SKIL: variants seen among roughly 807,000 people sequenced by gnomAD.
SKIL encodes the protein SKI like proto-oncogene.
SKIL carries 20 observed loss-of-function variants against 69.6 expected under a neutral mutation model. That is an observed-to-expected ratio of 0.29 (90% CI 0.20 to 0.42). The LOEUF (loss-of-function observed/expected upper bound fraction) is 0.42, where lower values mean the gene tolerates loss of function less well. SKIL is among the 10% of genes least tolerant of loss of function. SKIL has a pLI of 1.00. For missense variants in SKIL, 745 were observed against 783.1 expected (o/e 0.95, Z 0.58); for synonymous variants, 310 against 279.9 (o/e 1.11, Z -1.08).
At chr3:170,388,932 C>T (rs1204813918) in intron 4 of SKIL, among the ~76,000 whole-genome samples, 2 of 151,862 alleles carry the variant, frequency 1.3e-5, no homozygotes, top group Non-Finnish European at 2.9e-5. Flanking sequence ...TACAGTGGTG[C>T]CATCTCAGCT....
At chr3:170,377,120 T>G (rs10936625) in intron 2 of SKIL, among the ~76,000 whole-genome samples, 110,264 of 152,096 alleles carry the variant, frequency 0.72, 41,430 homozygotes, top group East Asian at 0.84. Context: ...TTCTTACTGC[T>G]ATAACTAAGC....
intron 4 of SKIL, among the ~76,000 whole-genome samples, chr3:170,388,347 A>AGGT (rs1390031987): frequency 1.7e-4 from 10 of 57,476 alleles, no homozygotes; most frequent in Non-Finnish European, 4.4e-4. Flanking sequence ...TTTTAATGCT[A>AGGT]GGTTGTTTTA....
chr3:170,368,050 A>G lies in SKIL; in HGVS notation c.1098+6621A>G, dbSNP rs192661018. ...CTTGCAAGCTTTTAATTATACTTGT[A>G]TTAGGCAGCGTATTTGTCAGTATAA... On this transcript the variant is annotated intron_variant, in intron 2 of 6. Transcript: ENST00000259119. Among the ~76,000 whole-genome samples, 5 of 152,326 alleles carry G rather than the reference A, an allele frequency of 3.3e-5. No individual in the cohort carries two copies. In the East Asian group the frequency reaches 5.8e-4, roughly 18 times the overall value.
At position 170,361,288 on chromosome 3, in the gene SKIL, C is replaced by G. The variant is rs765102635; in HGVS notation, c.957C>G (p.Gly319=). 1.2e-6 allele frequency: 2 copies of G among 1,614,152 alleles called. No homozygotes were observed. The highest frequency in any genetic ancestry group is 1.7e-6 in the Non-Finnish European group (2 of 1,180,046). The change falls in exon 2 of 7, where the codon GGC becomes GGG. Residue 319 remains glycine (G), a synonymous_variant. Coordinates refer to ENST00000259119, the MANE Select transcript of SKIL (RefSeq NM_005414.5). ...CTGACAAAAGAACTTGCCACTGGGG[C>G]TTTGAATCAGCTAAATGGCATTGCT... The part of the protein sequence containing the change: ...RSPDKRTCHW[G]FESAKWHCYL...
chr3:170,382,277 C>T (rs1376310356), intron 3 of SKIL, among the ~76,000 whole-genome samples: 1 of 152,044 alleles, frequency 6.6e-6, no homozygotes, highest in Non-Finnish European at 1.5e-5. Context: ...ATAACCTTTA[C>T]TATGTGTTTC....
chr3:170,362,475 G>A (rs1736292827), intron 2 of SKIL, among the ~76,000 whole-genome samples: 1 of 151,864 alleles, frequency 6.6e-6, no homozygotes, highest in African/African-American at 2.4e-5. Flanking sequence ...GCGCTCCAGC[G>A]TAGGCGTCGA....
intron 2 of SKIL, among the ~76,000 whole-genome samples, chr3:170,366,704 C>G (rs201450523): frequency 2.7e-5 from 1 of 36,604 alleles, no homozygotes; most frequent in Non-Finnish European, 9.4e-5. Flanking sequence ...CAGACACACA[C>G]ACACACACAC....
chr3:170,373,614 A>C (rs774242129), intron 2 of SKIL, among the ~76,000 whole-genome samples: 4 of 152,226 alleles, frequency 2.6e-5, no homozygotes, highest in Admixed American at 6.5e-5. Context: ...TAAAGATCAA[A>C]ATAGTAATCT....
At chr3:170,385,654 C>T (rs1159655923) in intron 4 of SKIL, among the ~76,000 whole-genome samples, 3 of 152,128 alleles carry the variant, frequency 2.0e-5, no homozygotes, top group Admixed American at 2.0e-4. Context: ...CCTGTGTTAC[C>T]ATCCATATAG....
rs1358731491 is a variant in SKIL at position 170,393,884 on chromosome 3, A to C, written c.*1467A>C. The C allele has an allele frequency of 6.6e-6, 1 of 152,136 alleles. No homozygotes were observed. The highest frequency in any genetic ancestry group is 1.5e-5 in the Non-Finnish European group (1 of 68,004). The allele number at this position is 152,136 out of a possible 1,614,324, so 9.4% of individuals were successfully genotyped here. ...AGGTAGATAATCTAATGGTGTAGAA[A>C]GAATCACTAGGTTGTCATTTAACCA... On this transcript the variant is annotated 3_prime_UTR_variant, in exon 7 of 7. Transcript: ENST00000259119.
rs534807148 is a variant in SKIL, at chr3:170,366,165, T to C, written c.1098+4736T>C. Among the ~76,000 whole-genome samples, 3 of 152,080 alleles carry C rather than the reference T, an allele frequency of 2.0e-5. No individual in the cohort carries two copies. The South Asian group carries it at 6.2e-4, about 32-fold the overall frequency. On this transcript the variant is annotated intron_variant, in intron 2 of 6. Transcript: ENST00000259119. The stretch of plus-strand genomic sequence containing the variant: ...ATTTGACATGCGTATATAGTTTATG[T>C]AATCAAAGTATTGCTTTTGGATTAA...
chr3:170,383,763 A>T (rs1053301632), intron 3 of SKIL, among the ~76,000 whole-genome samples: 10 of 152,110 alleles, frequency 6.6e-5, no homozygotes, highest in African/African-American at 2.2e-4. Context: ...CTCCTCACTG[A>T]GCCTCCTGTG....
intron 2 of SKIL, among the ~76,000 whole-genome samples, chr3:170,375,365 T>G (rs145436409): frequency 6.6e-6 from 1 of 152,224 alleles, no homozygotes; most frequent in African/African-American, 2.4e-5. Context: ...AAATAGATGC[T>G]AGGTTTGGCT....
Position 170,374,556 on chromosome 3 carries a change from T to C in SKIL, c.1099-6688T>C, listed in dbSNP as rs535457113. 3.3e-5 allele frequency among the ~76,000 whole-genome samples: 5 copies of C among 152,382 alleles called. No homozygotes were observed. In the East Asian group the frequency reaches 9.6e-4, roughly 29 times the overall value. ...TAATTTGGTATCTAATTTTTATTCC[T>C]GATTAGTAGCATTACTGCTGAACCA... On this transcript the variant is annotated intron_variant, in intron 2 of 6. Transcript: ENST00000259119.
intron 2 of SKIL, among the ~76,000 whole-genome samples, chr3:170,366,003 G>T (rs948734456): frequency 6.6e-6 from 1 of 150,390 alleles, no homozygotes; most frequent in Non-Finnish European, 1.5e-5. Context: ...TGATCCACCT[G>T]CCTCGGCCTC....
At position 170,390,230 on chromosome 3, in the gene SKIL, A is replaced by C. The variant is rs1381039765; in HGVS notation, c.1437A>C (p.Ser479=). 1.2e-6 allele frequency: 2 copies of C among 1,609,058 alleles called. No homozygotes were observed. Among genetic ancestry groups the C allele is most frequent in the South Asian group, 2.2e-5 (2 of 90,896 alleles). The part of the protein sequence containing the change: ...SRELCSRLDA[S]ISNNSTSKRK... The stretch of plus-strand genomic sequence containing the variant: ...GATTTTTTTCTCTCCAAGATGCATC[A>C]ATCTCAAATAATTCTACAAGTAAAA... Residue 479 remains serine, a synonymous_variant, in exon 5 of 7, where the codon TCA becomes TCC. Coordinates refer to ENST00000259119, the MANE Select transcript of SKIL (RefSeq NM_005414.5).
At chr3:170,368,888 C>A (rs570781627) in intron 2 of SKIL, among the ~76,000 whole-genome samples, 45 of 152,248 alleles carry the variant, frequency 3.0e-4, no homozygotes, top group African/African-American at 9.9e-4. Flanking sequence ...AGTGCCCATT[C>A]CATTTATTCG....
At chr3:170,372,766 A>G (rs1375588601) in intron 2 of SKIL, among the ~76,000 whole-genome samples, 2 of 152,170 alleles carry the variant, frequency 1.3e-5, no homozygotes, top group Admixed American at 1.3e-4. Context: ...GTATCCAGTC[A>G]TATGTTTAGT....
chr3:170,366,690 C>CACACAGACACACAG (rs1736538810), intron 2 of SKIL, among the ~76,000 whole-genome samples: 1 of 87,060 alleles, frequency 1.1e-5, no homozygotes, highest in African/African-American at 4.2e-5. Context: ...CACACACACA[C>CACACAGACACACAG]ACACAGACAC....
Sources: gnomAD v4.1 joint callset for allele counts (sites outside exome capture counted in the v4.1 genomes callset) on GRCh38, gnomAD v4.1.1 for gene constraint, MANE v1.5 for transcripts, NCBI Gene and HGNC (gene_info 2026-07-23, HGNC 2026-07-21) for gene names.